Variants in PARD6B observed in about 807,000 individuals in gnomAD.
PARD6B encodes par-6 family cell polarity regulator beta, also known as partitioning defective 6 homolog beta.
PARD6B carries 4 observed loss-of-function variants against 10.5 expected under a neutral mutation model. The ratio of observed to expected loss-of-function variants is 0.38; its 90% CI spans 0.19 to 0.87. The LOEUF is 0.87. Among genes scored for constraint, PARD6B ranks in the 40% least tolerant of loss-of-function variants. PARD6B has a pLI of 0.41. For missense variants in PARD6B, 396 were observed against 470.6 expected, an observed-to-expected ratio of 0.84 and a Z score of 1.47; for synonymous variants, 169 against 170.4, an observed-to-expected ratio of 0.99 and a Z score of 0.07.
At chr20:50,734,194 ATT>A (rs2087487265) in intron 1 of PARD6B, among the ~76,000 whole-genome samples, 1 of 152,190 alleles carries the variant, frequency 6.6e-6, no homozygotes, top group Non-Finnish European at 1.5e-5. Flanking sequence ...TGATACATTT[ATT>A]TTCAGTAGAT....
At chr20:50,738,394 A>G (rs558018036) in intron 2 of PARD6B, among the ~76,000 whole-genome samples, 80 of 152,372 alleles carry the variant, frequency 5.3e-4, no homozygotes, top group Non-Finnish European at 9.1e-4. Flanking sequence ...ACTTTATCAA[A>G]TGGATTATTC....
At chr20:50,742,444 C>T (rs2087536160) in intron 2 of PARD6B, among the ~76,000 whole-genome samples, 1 of 151,904 alleles carries the variant, frequency 6.6e-6, no homozygotes, top group South Asian at 2.1e-4. Context: ...CGGCTCACTG[C>T]AGCCTCTACC....
intron 2 of PARD6B, among the ~76,000 whole-genome samples, chr20:50,742,644 G>A (rs1037523509): frequency 2.6e-5 from 4 of 152,152 alleles, no homozygotes; most frequent in Non-Finnish European, 4.4e-5. Context: ...GGGATTACAG[G>A]TGTGAGCCAC....
At chr20:50,748,317 C>T (rs1170569736) in intron 2 of PARD6B, among the ~76,000 whole-genome samples, 3 of 152,230 alleles carry the variant, frequency 2.0e-5, no homozygotes, top group African/African-American at 7.2e-5. Flanking sequence ...GCACTCCAGC[C>T]AGGACGACAG....
Position 50,752,829 on chromosome 20 carries a change from A to C in PARD6B, c.*2341A>C. 1.0e-5 allele frequency: 10 copies of C among 978,572 alleles called. No individual in the cohort carries two copies. The highest frequency in any genetic ancestry group is 1.2e-5 in the Non-Finnish European group (10 of 823,304). 60.6% of individuals were successfully genotyped at this position (978,572 alleles called of 1,614,324 possible). On this transcript the variant is annotated 3_prime_UTR_variant, in exon 3 of 3. Coordinates refer to ENST00000371610, the MANE Select transcript of PARD6B (RefSeq NM_032521.3). ...TGTTCACATTACCACTAAGCATATT[A>C]TCAGTAAACTATTAACTGACTGCAC...
Position 50,751,353 on chromosome 20 carries a change from T to A in PARD6B, c.*865T>A. ...TCCAGTTTCTTTTCTTTTCTTTCTT[T>A]TTTTTTTTTTTTTTTTTTTTGAGAT... On this transcript the variant is annotated 3_prime_UTR_variant, in exon 3 of 3. Transcript: ENST00000371610. 40 of 122,196 alleles carry A rather than the reference T, an allele frequency of 3.3e-4. No homozygotes were observed. The highest frequency in any genetic ancestry group is 3.5e-4 in the Non-Finnish European group (37 of 106,054). The allele number at this position is 122,196 out of a possible 1,614,324, so 7.6% of individuals were successfully genotyped here.
chr20:50,744,439 C>G (rs79038245), intron 2 of PARD6B, among the ~76,000 whole-genome samples: 6,220 of 152,178 alleles, frequency 0.041, 176 homozygotes, highest in Non-Finnish European at 0.059. Flanking sequence ...TTGTCCTCCC[C>G]CTCCACGTCC....
Position 50,750,329 on chromosome 20 carries a change from AAC to A in PARD6B, c.964_965del (p.Gln322AspfsTer6), listed in dbSNP as rs2087594708. ...CTAATACTGAGAGCCTGGAGTCATT[AAC>A]ACAGATAGAGCTAAGCTTTGAGTCT... ...VPNTESLESL[T>X]QIELSFESGQ... On this transcript the variant is annotated frameshift_variant, in exon 3 of 3. Coordinates refer to ENST00000371610, the MANE Select transcript of PARD6B (RefSeq NM_032521.3). LOFTEE classifies it low-confidence loss of function (END_TRUNC). 1 of 1,614,126 alleles carries A rather than the reference AAC, an allele frequency of 6.2e-7. No homozygotes were observed. Among genetic ancestry groups the A allele is most frequent in the African/African-American group, 1.3e-5 (1 of 74,944 alleles).
Position 50,731,653 on chromosome 20 carries a change from C to T in PARD6B, c.-134C>T. On this transcript the variant is annotated 5_prime_UTR_variant, in exon 1 of 3. Transcript: ENST00000371610. Reference sequence around the variant, plus strand: ...AGCGCGGACGCCGGAGCTGCGGCCGCCCCCTCTGCAGGTGCCTGTGAGGAG... The same window carrying T: ...AGCGCGGACGCCGGAGCTGCGGCCGTCCCCTCTGCAGGTGCCTGTGAGGAG... The T allele has an allele frequency of 3.2e-6, 2 of 626,994 alleles. No individual in the cohort carries two copies. Among genetic ancestry groups the T allele is most frequent in the Non-Finnish European group, 4.9e-6 (2 of 408,898 alleles). 38.8% of individuals were successfully genotyped at this position (626,994 alleles called of 1,614,324 possible).
At chr20:50,740,470 A>G (rs1276311804) in intron 2 of PARD6B, among the ~76,000 whole-genome samples, 2 of 152,202 alleles carry the variant, frequency 1.3e-5, no homozygotes, top group African/African-American at 4.8e-5. Context: ...TGTTTTGTTA[A>G]TGGAATTATA....
intron 2 of PARD6B, among the ~76,000 whole-genome samples, chr20:50,741,836 G>A (rs1428755662): frequency 6.6e-6 from 1 of 152,020 alleles, no homozygotes; most frequent in Non-Finnish European, 1.5e-5. Context: ...GTGAGCCACC[G>A]CGCCCGGCCG....
chr20:50,743,629 C>T lies in PARD6B; in HGVS notation c.289+5550C>T, dbSNP rs189753823. Among the ~76,000 whole-genome samples the T allele has an allele frequency of 3.9e-5, 6 of 152,198 alleles. No individual in the cohort carries two copies. The East Asian group carries it at 7.7e-4, about 20-fold the overall frequency. The stretch of plus-strand genomic sequence containing the variant: ...AGAAATGAAAAAAATAAATTACAGC[C>T]TGTAATCCCAGCATTTTTGGTGGCC... On this transcript the variant is annotated intron_variant, in intron 2 of 2. Coordinates refer to ENST00000371610, the MANE Select transcript of PARD6B (RefSeq NM_032521.3).
chr20:50,750,954 ATTTTTTTTTT>A lies in PARD6B; in HGVS notation c.*489_*498del, dbSNP rs565068464. ...CTCATGTTCCCAATATTTTATTTTG[ATTTTTTTTTT>A]TTTTTTTTTTTTTTTTTTTTTTAGT... On this transcript the variant is annotated 3_prime_UTR_variant, in exon 3 of 3. Coordinates refer to ENST00000371610, the MANE Select transcript of PARD6B (RefSeq NM_032521.3). The A allele has an allele frequency of 8.1e-4, 313 of 387,854 alleles. 1 individual carries two copies. Among genetic ancestry groups the A allele is most frequent in the East Asian group, 4.9e-3 (14 of 2,872 alleles). The allele number at this position is 387,854 out of a possible 1,614,324, so 24.0% of individuals were successfully genotyped here. A position where few individuals can be genotyped will look rare whatever the true frequency, so the allele number is the denominator to read the frequency against.
rs2087599548 is a variant in PARD6B, at chr20:50,750,650, A to G, written c.*162A>G. On this transcript the variant is annotated 3_prime_UTR_variant, in exon 3 of 3. Transcript: ENST00000371610. ...TAAAGTAGTAGTTTGATAATTGTTAATATAAACTTTGGTGGATCAGAGGTG... is the reference window on the plus strand; with the variant it reads ...TAAAGTAGTAGTTTGATAATTGTTAGTATAAACTTTGGTGGATCAGAGGTG... The G allele has an allele frequency of 7.1e-7, 1 of 1,406,176 alleles. No homozygotes were observed. Among genetic ancestry groups the G allele is most frequent in the African/African-American group, 1.4e-5 (1 of 69,342 alleles). The allele number at this position is 1,406,176 out of a possible 1,614,324, so 87.1% of individuals were successfully genotyped here. A position where few individuals can be genotyped will look rare whatever the true frequency, so the allele number is the denominator to read the frequency against.
At chr20:50,732,646 G>A (rs2087478035) in intron 1 of PARD6B, among the ~76,000 whole-genome samples, 1 of 152,188 alleles carries the variant, frequency 6.6e-6, no homozygotes. Flanking sequence ...GGCAGCCAAG[G>A]GAACACTTTC....
At chr20:50,740,375 T>G (rs1199174993) in intron 2 of PARD6B, among the ~76,000 whole-genome samples, 3 of 152,184 alleles carry the variant, frequency 2.0e-5, no homozygotes, top group Non-Finnish European at 4.4e-5. Context: ...ATAGAGTGGG[T>G]TTTTAAAGTA....
chr20:50,745,428 G>A (rs948722729), intron 2 of PARD6B, among the ~76,000 whole-genome samples: 11 of 146,208 alleles, frequency 7.5e-5, no homozygotes, highest in African/African-American at 2.5e-4. Context: ...AAAAAAAAAA[G>A]TTGCCAGATC....
chr20:50,734,084 G>A (rs2087486564), intron 1 of PARD6B, among the ~76,000 whole-genome samples: 2 of 152,186 alleles, frequency 1.3e-5, no homozygotes, highest in South Asian at 2.1e-4. Context: ...GCTGAATGAA[G>A]TCGGTCCCAC....
intron 2 of PARD6B, among the ~76,000 whole-genome samples, chr20:50,743,307 A>AT (rs1211437964): frequency 1.3e-5 from 2 of 152,158 alleles, no homozygotes; most frequent in African/African-American, 4.8e-5. Flanking sequence ...TCTGTTTTTG[A>AT]TTGACACCAG....
Sources: gnomAD v4.1 joint callset for allele counts (sites outside exome capture counted in the v4.1 genomes callset) on GRCh38, gnomAD v4.1.1 for gene constraint, MANE v1.5 for transcripts, NCBI Gene and HGNC (gene_info 2026-07-23, HGNC 2026-07-21) for gene names.